The following SLC38A4 variants were observed in gnomAD, a reference collection of about 807,000 sequenced individuals.
SLC38A4 encodes the protein sodium-coupled neutral amino acid transporter 4.
SLC38A4 carries 20 observed loss-of-function variants against 63.1 expected under a neutral mutation model. The ratio of observed to expected loss-of-function variants is 0.32; its 90% confidence interval spans 0.22 to 0.46. The LOEUF (loss-of-function observed/expected upper bound fraction) is 0.46, where lower values mean the gene tolerates loss of function less well. SLC38A4 is among the 20% of genes least tolerant of loss of function. The pLI, the probability that SLC38A4 is intolerant of heterozygous loss-of-function variation, is 1.00. For synonymous variants in SLC38A4, 230 were observed against 225.5 expected (o/e 1.02, Z -0.18); for missense variants, 526 against 663.6 (o/e 0.79, Z 2.28).
intron 1 of SLC38A4, among the ~76,000 whole-genome samples, chr12:46,813,613 C>T (rs1939381603): frequency 6.6e-6 from 1 of 151,990 alleles, no homozygotes; most frequent in Admixed American, 6.6e-5. Context: ...TGTTTACATG[C>T]CTGCCCTTCT....
In SLC38A4 at chr12:46,803,688, T is replaced by C. The variant is rs772849051; in HGVS notation, c.-198A>G. 2.6e-5 allele frequency: 4 copies of C among 151,898 alleles called. No homozygotes were observed. The highest frequency in any genetic ancestry group is 1.3e-4 in the Admixed American group (2 of 15,208). The allele number at this position is 151,898 out of a possible 1,614,324, so 9.4% of individuals were successfully genotyped here. On this transcript the variant is annotated 5_prime_UTR_variant, in exon 2 of 17. Coordinates refer to ENST00000266579, the MANE Select transcript of SLC38A4 (RefSeq NM_018018.5). ...GTAACAGCTTTGATTTATATGAAAC[T>C]TTAGAGATCTAGACATTGATTTAAA...
chr12:46,778,874 G>A (rs1938583886), intron 10 of SLC38A4, 98 bp from the exon 11 acceptor site: 5 of 1,096,264 alleles, frequency 4.6e-6, no homozygotes, highest in Non-Finnish European at 5.2e-6. Flanking sequence ...GGGGGGTGAG[G>A]GAACTCAGTT....
At chr12:46,807,566 C>A (rs1468150456) in intron 1 of SLC38A4, among the ~76,000 whole-genome samples, 1 of 151,946 alleles carries the variant, frequency 6.6e-6, no homozygotes, top group Non-Finnish European at 1.5e-5. Context: ...AATTTGTGAT[C>A]TTTTTTGATG....
At chr12:46,807,275 C>T (rs1404350216) in intron 1 of SLC38A4, among the ~76,000 whole-genome samples, 1 of 151,844 alleles carries the variant, frequency 6.6e-6, no homozygotes, top group Non-Finnish European at 1.5e-5. Context: ...AGGTCATCTC[C>T]CTTTTTTCTT....
chr12:46,797,978 G>A (rs1939052327), intron 2 of SLC38A4, among the ~76,000 whole-genome samples: 1 of 151,954 alleles, frequency 6.6e-6, no homozygotes, highest in Non-Finnish European at 1.5e-5. Context: ...ACAAAGTCTG[G>A]TTGACTTTTA....
At chr12:46,790,590 G>A (rs1938864072) in intron 3 of SLC38A4, among the ~76,000 whole-genome samples, 1 of 152,056 alleles carries the variant, frequency 6.6e-6, no homozygotes, top group Non-Finnish European at 1.5e-5. Flanking sequence ...TTAAACTCTG[G>A]AATCTTTATT....
At chr12:46,774,680 A>G (rs1280566588) in intron 14 of SLC38A4, among the ~76,000 whole-genome samples, 1 of 152,036 alleles carries the variant, frequency 6.6e-6, no homozygotes, top group East Asian at 1.9e-4. Context: ...TGCCTTCAAA[A>G]CTGTGATGAA....
intron 3 of SLC38A4, 57 bp downstream of exon 3, chr12:46,792,896 C>G: frequency 7.7e-7 from 1 of 1,291,224 alleles, no homozygotes. Flanking sequence ...ACCCTGTTTT[C>G]CATGTCCACA....
intron 1 of SLC38A4, among the ~76,000 whole-genome samples, chr12:46,821,891 A>G (rs1489294202): frequency 6.6e-6 from 1 of 152,098 alleles, no homozygotes; most frequent in African/African-American, 2.4e-5. Flanking sequence ...TTTTCAGTAC[A>G]TAGGACTTTT....
chr12:46,785,720 G>T (rs145588089), intron 5 of SLC38A4, among the ~76,000 whole-genome samples: 1 of 148,666 alleles, frequency 6.7e-6, no homozygotes, highest in Admixed American at 6.8e-5. Context: ...GAAAGCTAAG[G>T]ATGGGGCACG....
upstream of SLC38A4, among the ~76,000 whole-genome samples, chr12:46,829,262 C>G (rs1315180170): frequency 6.6e-6 from 1 of 152,150 alleles, no homozygotes; most frequent in Non-Finnish European, 1.5e-5. Context: ...CTACTTCTAC[C>G]TCTTATCCTT....
At chr12:46,779,119 TG>T (rs948410071) in intron 10 of SLC38A4, among the ~76,000 whole-genome samples, 1 of 151,966 alleles carries the variant, frequency 6.6e-6, no homozygotes, top group African/African-American at 2.4e-5. Flanking sequence ...TTTACCTCTT[TG>T]GGGAAATGCT....
chr12:46,797,385 G>A lies in SLC38A4; in HGVS notation c.-112-4202C>T, dbSNP rs538464844. 7.9e-5 allele frequency among the ~76,000 whole-genome samples: 12 copies of A among 152,216 alleles called. No individual in the cohort carries two copies. The South Asian group carries it at 2.5e-3, about 32-fold the overall frequency. On this transcript the variant is annotated intron_variant, in intron 2 of 16. Coordinates refer to ENST00000266579, the MANE Select transcript of SLC38A4 (RefSeq NM_018018.5). Reference sequence around the variant, plus strand: ...AAGGCAGAGGAAGGGCAAATTTACTGTCTCTGCTTGAGCTAGGACATCCAT... The same window carrying A: ...AAGGCAGAGGAAGGGCAAATTTACTATCTCTGCTTGAGCTAGGACATCCAT...
chr12:46,777,320 T>C (rs1469917823), intron 12 of SLC38A4, among the ~76,000 whole-genome samples: 1 of 151,868 alleles, frequency 6.6e-6, no homozygotes, highest in East Asian at 1.9e-4. Flanking sequence ...GCTCCTAACA[T>C]AGAAAGCTTT....
intron 10 of SLC38A4, among the ~76,000 whole-genome samples, 185 bp from the exon 11 acceptor site, chr12:46,778,961 T>C (rs1938585321): frequency 6.6e-6 from 1 of 151,946 alleles, no homozygotes; most frequent in Non-Finnish European, 1.5e-5. Flanking sequence ...GAGCTGTGAT[T>C]GGCAGCCCTG....
intron 1 of SLC38A4, among the ~76,000 whole-genome samples, chr12:46,811,102 G>T (rs1025335061): frequency 1.1e-4 from 16 of 151,934 alleles, no homozygotes; most frequent in African/African-American, 3.6e-4. Context: ...GCAGAATAAA[G>T]AATCATCTCA....
At position 46,764,790 on chromosome 12, in the gene SLC38A4, CA is replaced by C. The variant is rs1337660668; in HGVS notation, c.*1910del. On this transcript the variant is annotated 3_prime_UTR_variant, in exon 17 of 17. Coordinates refer to ENST00000266579, the MANE Select transcript of SLC38A4 (RefSeq NM_018018.5). ...TTTGAAAAGTTCATTTATTATATAC[CA>C]ATATACACTTTCTGTAATAAAAAAG... 6.6e-6 allele frequency: 1 copy of C among 152,062 alleles called. No individual in the cohort carries two copies. Among genetic ancestry groups the C allele is most frequent in the African/African-American group, 2.4e-5 (1 of 41,370 alleles). The allele number at this position is 152,062 out of a possible 1,614,324, so 9.4% of individuals were successfully genotyped here. A position where few individuals can be genotyped will look rare whatever the true frequency, so the allele number is the denominator to read the frequency against.
intron 1 of SLC38A4, among the ~76,000 whole-genome samples, chr12:46,820,583 G>A (rs1939523021): frequency 6.6e-6 from 1 of 151,940 alleles, no homozygotes; most frequent in Admixed American, 6.6e-5. Flanking sequence ...TCTGTCCATG[G>A]ACATTTGGGT....
At chr12:46,785,729 C>T (rs547162817) in intron 5 of SLC38A4, among the ~76,000 whole-genome samples, 35 of 126,468 alleles carry the variant, frequency 2.8e-4, no homozygotes, top group African/African-American at 9.0e-4. Flanking sequence ...GGATGGGGCA[C>T]GAAAATTCCT....
Sources: gnomAD v4.1 joint callset for allele counts (sites outside exome capture counted in the v4.1 genomes callset) on GRCh38, gnomAD v4.1.1 for gene constraint, MANE v1.5 for transcripts, NCBI Gene and HGNC (gene_info 2026-07-23, HGNC 2026-07-21) for gene names.